Variants in RAPGEF1 observed in about 807,000 individuals in gnomAD.
The protein encoded by RAPGEF1 is CRK SH3-binding GNRP.
In RAPGEF1, 33 loss-of-function variants were observed where a neutral mutation model predicts 143.3. The observed-to-expected ratio is 0.23, with a 90% CI of 0.17 to 0.31. The LOEUF is 0.31. Ranked by LOEUF, RAPGEF1 falls within the 10% of genes least tolerant of loss-of-function variation. The probability of loss-of-function intolerance (pLI) is 1.00; values close to 1 mark genes in which losing one functional copy is unlikely to be tolerated. For synonymous variants in RAPGEF1, 629 were observed against 676.5 expected, an observed-to-expected ratio of 0.93 and a Z score of 1.09; for missense variants, 1,199 against 1,645.4, an observed-to-expected ratio of 0.73 and a Z score of 4.69.
At chr9:131,678,873 A>G (rs778659249) in intron 1 of RAPGEF1, among the ~76,000 whole-genome samples, 7 of 152,094 alleles carry the variant, frequency 4.6e-5, no homozygotes, top group Non-Finnish European at 1.0e-4. Flanking sequence ...CAACAATCAA[A>G]CAAGAGCCAG....
intron 25 of RAPGEF1, among the ~76,000 whole-genome samples, chr9:131,580,628 G>A (rs1396352447): frequency 6.6e-6 from 1 of 152,202 alleles, no homozygotes; most frequent in Non-Finnish European, 1.5e-5. Flanking sequence ...AGGAGCCTGA[G>A]GGTGATGCGG....
chr9:131,694,797 C>CTT lies in RAPGEF1; in HGVS notation c.62-43850_62-43849dup, dbSNP rs60955547. ...ACAGCACTCATCACCTTCACACTTT[C>CTT]TTTTTTTTTTTTTTTTATACTTTAA... is the stretch of plus-strand genomic sequence containing the variant. On this transcript the variant is annotated intron_variant, in intron 1 of 26. Transcript: ENST00000683357. Among the ~76,000 whole-genome samples the CTT allele has an allele frequency of 2.5e-3, 344 of 139,484 alleles. 2 individuals carry two copies. The highest frequency in any genetic ancestry group is 3.7e-3 in the Middle Eastern group (1 of 270). 91.5% of individuals were successfully genotyped at this position (139,484 alleles called of 152,430 possible).
chr9:131,666,835 C>T (rs1367362796), intron 1 of RAPGEF1, among the ~76,000 whole-genome samples: 1 of 152,190 alleles, frequency 6.6e-6, no homozygotes, highest in African/African-American at 2.4e-5. Context: ...GCACTGGCCA[C>T]ATTTCCAGTG....
rs980368833 is a variant in RAPGEF1 at position 131,628,942 on chromosome 9, G to A, written c.893+160C>T. Among the ~76,000 whole-genome samples the A allele has an allele frequency of 1.3e-5, 2 of 152,118 alleles. No individual in the cohort carries two copies. The highest frequency in any genetic ancestry group is 2.9e-5 in the Non-Finnish European group (2 of 68,012). On this transcript the variant is annotated intron_variant, in intron 7 of 26. Transcript: ENST00000683357. This position sits in a 1 kb window ranked among gnomAD's most constrained non-coding sequence, Gnocchi z 5.7. ...CAAGGAGGCCTTCAGGAGAGCTCAG[G>A]GTGGCCAGCGAGGGCCGGCGGGGTG... is the stretch of plus-strand genomic sequence containing the variant.
At chr9:131,589,086 G>T in intron 19 of RAPGEF1, 100 bp from the exon 20 acceptor site, 1 of 1,150,672 alleles carries the variant, frequency 8.7e-7, no homozygotes, top group Non-Finnish European at 1.2e-6. Context: ...GCTGTGACCG[G>T]CACAGAGCTG....
chr9:131,590,669 A>G (rs1954068766), intron 18 of RAPGEF1, among the ~76,000 whole-genome samples: 1 of 152,174 alleles, frequency 6.6e-6, no homozygotes, highest in Non-Finnish European at 1.5e-5. Flanking sequence ...CCTGCTCTCT[A>G]GTGATCCACG....
intron 1 of RAPGEF1, among the ~76,000 whole-genome samples, chr9:131,724,551 C>T (rs557542236): frequency 1.3e-5 from 2 of 152,178 alleles, no homozygotes; most frequent in African/African-American, 2.4e-5. Flanking sequence ...GCCGAGATCA[C>T]GCCACTGCAC....
chr9:131,657,532 C>G (rs1406398763), intron 1 of RAPGEF1, among the ~76,000 whole-genome samples: 2 of 152,182 alleles, frequency 1.3e-5, no homozygotes, highest in African/African-American at 4.8e-5. Flanking sequence ...TGAATCAAAT[C>G]CAGGCACCCA....
At chr9:131,642,053 C>A (rs1279912565) in intron 4 of RAPGEF1, among the ~76,000 whole-genome samples, 3 of 152,198 alleles carry the variant, frequency 2.0e-5, no homozygotes, top group Non-Finnish European at 4.4e-5. Flanking sequence ...TGAACAGGTA[C>A]CATGGAAGAA....
chr9:131,685,003 C>T (rs1248919711), intron 1 of RAPGEF1, among the ~76,000 whole-genome samples: 1 of 152,170 alleles, frequency 6.6e-6, no homozygotes, highest in East Asian at 1.9e-4. Flanking sequence ...AGCGGGACAA[C>T]CAGTCACAAC....
At chr9:131,615,746 A>G (rs962641765) in intron 12 of RAPGEF1, among the ~76,000 whole-genome samples, 8 of 151,986 alleles carry the variant, frequency 5.3e-5, no homozygotes, top group African/African-American at 1.9e-4. Flanking sequence ...TCTGTTTGGA[A>G]CATCTTGACT....
Position 131,650,940 on chromosome 9 carries a change from C to A in RAPGEF1, c.71G>T (p.Arg24Leu). 1.9e-6 allele frequency: 3 copies of A among 1,613,644 alleles called. No homozygotes were observed. The highest frequency in any genetic ancestry group is 1.7e-6 in the Non-Finnish European group (2 of 1,179,750). ...CATGGTGAAGGAAGAGAGATGAGAA[C>A]GCTGAGAGTCTGAAAACAAAGAGGG... is the stretch of plus-strand genomic sequence containing the variant. ...SGKIEKADSQ[R>L]SHLSSFTMKL... Residue 24 changes from arginine (R) to leucine (L), a missense_variant, in exon 2 of 27, where the codon CGT becomes CTT. Arg to Leu is a moderately radical substitution (Grantham distance 102, BLOSUM62 -2). Around this residue, in one of 6 missense-constraint regions of RAPGEF1, gnomAD observed 613 missense variants for 710.9 expected, o/e 0.86. Coordinates refer to ENST00000683357, the MANE Select transcript of RAPGEF1 (RefSeq NM_001377935.1). This position sits in a 1 kb window ranked among gnomAD's most constrained non-coding sequence, Gnocchi z 4.7.
intron 1 of RAPGEF1, among the ~76,000 whole-genome samples, chr9:131,660,793 G>A (rs984958140): frequency 6.6e-6 from 1 of 152,148 alleles, no homozygotes; most frequent in East Asian, 1.9e-4. Flanking sequence ...TGGGCCCTGG[G>A]GCCTTCTCGC....
intron 1 of RAPGEF1, among the ~76,000 whole-genome samples, chr9:131,715,069 GCCA>G (rs1013834837): frequency 3.3e-5 from 5 of 151,940 alleles, no homozygotes; most frequent in African/African-American, 7.3e-5. Flanking sequence ...GAAGGCAAAG[GCCA>G]CCACGTGTCG....
In RAPGEF1 at chr9:131,621,955, C is replaced by T. The variant is rs1373799782; in HGVS notation, c.1746G>A (p.Gln582=). 1.2e-6 allele frequency: 2 copies of T among 1,613,604 alleles called. No homozygotes were observed. Among genetic ancestry groups the T allele is most frequent in the Non-Finnish European group, 8.5e-7 (1 of 1,179,788 alleles). The change falls in exon 11 of 27, where the codon CAG becomes CAA. Residue 582 remains glutamine, a synonymous_variant. Coordinates refer to ENST00000683357, the MANE Select transcript of RAPGEF1 (RefSeq NM_001377935.1). The surrounding 1 kb of genome is among the most constrained non-coding windows in gnomAD (Gnocchi z 4.5). ...GTGGCGTCTGGTAGAACATAGAGGG[C>T]TGCGGCTCCGAGTAGTCCTCCAGCA... ...MQLLEDYSEP[Q]PSMFYQTPQN...
At chr9:131,714,656 G>A (rs1835733023) in intron 1 of RAPGEF1, among the ~76,000 whole-genome samples, 1 of 151,446 alleles carries the variant, frequency 6.6e-6, no homozygotes, top group Admixed American at 6.6e-5. Flanking sequence ...CACTGAGGCA[G>A]AAAGTCTGGG....
intron 3 of RAPGEF1, among the ~76,000 whole-genome samples, chr9:131,644,905 A>G (rs1413370110): frequency 1.3e-5 from 2 of 152,242 alleles, no homozygotes; most frequent in Non-Finnish European, 2.9e-5. Context: ...AAAAATATAT[A>G]AATGGCTACT....
rs1481773189 is a variant in RAPGEF1 at position 131,638,701 on chromosome 9, G to A, written c.585C>T (p.Asn195=). ...TCGTCACCATCTCCTTGTCTTCTGA[G>A]TTCACGCCTTCCAGCATCACTTGGT... The part of the protein sequence containing the change: ...WSDQVMLEGV[N]SEDKEMVTTV... Residue 195 remains asparagine, a synonymous_variant, in exon 5 of 27, where the codon AAC becomes AAT. Transcript: ENST00000683357. The A allele has an allele frequency of 2.5e-6, 4 of 1,614,040 alleles. No homozygotes were observed. The highest frequency in any genetic ancestry group is 2.7e-5 in the African/African-American group (2 of 75,052).
chr9:131,678,658 G>C (rs1164860165), intron 1 of RAPGEF1, among the ~76,000 whole-genome samples: 1 of 152,198 alleles, frequency 6.6e-6, no homozygotes, highest in African/African-American at 2.4e-5. Flanking sequence ...AATGTTTGCA[G>C]CTCAGAGCGG....
Sources: allele counts gnomAD v4.1 joint callset (sites outside exome capture counted in the v4.1 genomes callset), GRCh38; gene constraint gnomAD v4.1.1; regional missense constraint gnomAD v4.1.1; non-coding constraint Gnocchi (gnomAD v3.1); transcripts MANE v1.5; gene names NCBI Gene and HGNC (gene_info 2026-07-23, HGNC 2026-07-21).